Variants in EVA1A observed in about 807,000 individuals in gnomAD.
EVA1A encodes the protein eva-1 homolog A, regulator of programmed cell death.
A neutral mutation model predicts 9.8 loss-of-function variants in EVA1A; 7 were observed. That is an observed-to-expected ratio of 0.71 (90% CI 0.41 to 1.34). EVA1A has a LOEUF of 1.34. Ranked by LOEUF, EVA1A falls within the 40% of genes most tolerant of loss-of-function variation. EVA1A has a pLI of 0.01. For missense variants in EVA1A, 206 were observed against 205.9 expected (o/e 1.00, Z 0.00); for synonymous variants, 90 against 85.6 (o/e 1.05, Z -0.28).
intron 3 of EVA1A, among the ~76,000 whole-genome samples, chr2:75,510,683 A>T (rs1674779125): frequency 6.6e-6 from 1 of 152,256 alleles, no homozygotes; most frequent in African/African-American, 2.4e-5. Flanking sequence ...TACTATAAGC[A>T]AAGTCAAAAG....
At chr2:75,525,279 C>T (rs1020408899) in intron 1 of EVA1A, among the ~76,000 whole-genome samples, 14 of 152,182 alleles carry the variant, frequency 9.2e-5, no homozygotes, top group African/African-American at 3.1e-4. Context: ...ATTTCCCCCA[C>T]CTTTAAGCAA....
At chr2:75,498,131 C>G (rs1390009066) in intron 3 of EVA1A, among the ~76,000 whole-genome samples, 3 of 152,032 alleles carry the variant, frequency 2.0e-5, no homozygotes, top group Non-Finnish European at 4.4e-5. Flanking sequence ...ACATATGCAC[C>G]ATGGAATACT....
rs541909685 is a variant in EVA1A at position 75,551,745 on chromosome 2, G to T, written c.-192+8935C>A. On this transcript the variant is annotated intron_variant, in intron 1 of 3. Coordinates refer to ENST00000393913, the MANE Select transcript of EVA1A (RefSeq NM_001135032.2). ...ATAGTAGTCCTTCCTAACAATGGTT[G>T]TTGAGAGGATTAATACACGTAAAGT... is the stretch of plus-strand genomic sequence containing the variant. Among the ~76,000 whole-genome samples, 115 of 152,338 alleles carry T rather than the reference G, an allele frequency of 7.5e-4. 1 individual carries two copies. The highest frequency in any genetic ancestry group is 4.8e-3 in the South Asian group (23 of 4,824).
chr2:75,515,011 A>G (rs1674954234), intron 3 of EVA1A, among the ~76,000 whole-genome samples: 1 of 152,230 alleles, frequency 6.6e-6, no homozygotes, highest in Admixed American at 6.5e-5. Context: ...AATGTATAAA[A>G]TAAAAATGTT....
Position 75,518,197 on chromosome 2 carries a change from CCTT to C in EVA1A, c.-60_-58del, listed in dbSNP as rs926261338. ...TTGGCTGAATCAACGTGGCCACTCT[CCTT>C]CTTCTCTTCTGTTTGGGAACATAAA... On this transcript the variant is annotated 5_prime_UTR_variant, in exon 3 of 4. Coordinates refer to ENST00000393913, the MANE Select transcript of EVA1A (RefSeq NM_001135032.2). 102 of 1,597,978 alleles carry C rather than the reference CCTT, an allele frequency of 6.4e-5. No homozygotes were observed. The African/African-American group carries it at 1.3e-3, about 20-fold the overall frequency.
At chr2:75,556,676 T>G (rs902552927) in intron 1 of EVA1A, among the ~76,000 whole-genome samples, 1 of 152,160 alleles carries the variant, frequency 6.6e-6, no homozygotes, top group African/African-American at 2.4e-5. Flanking sequence ...CCAACCTTTT[T>G]GGTTCCAGGG....
chr2:75,552,239 T>C (rs138727946), intron 1 of EVA1A, among the ~76,000 whole-genome samples: 1 of 151,990 alleles, frequency 6.6e-6, no homozygotes, highest in Admixed American at 6.6e-5. Context: ...TTCTCGGGAA[T>C]GTCAAACCTA....
chr2:75,561,511 A>G (rs1041406584), upstream of EVA1A, among the ~76,000 whole-genome samples: 4 of 151,786 alleles, frequency 2.6e-5, no homozygotes, highest in African/African-American at 9.7e-5. Flanking sequence ...TTTGTTTGTT[A>G]AAATCAACAA....
chr2:75,511,494 C>T (rs544013390), intron 3 of EVA1A, among the ~76,000 whole-genome samples: 197 of 152,244 alleles, frequency 1.3e-3, no homozygotes, highest in African/African-American at 4.6e-3. Context: ...AAAATATCTC[C>T]ATAATATATT....
At chr2:75,518,336 A>G in intron 2 of EVA1A, 128 bp from the exon 3 acceptor site, 1 of 1,042,090 alleles carries the variant, frequency 9.6e-7, no homozygotes, top group Non-Finnish European at 1.3e-6. Flanking sequence ...GGGGCTTTGG[A>G]AACTACAGAC....
At chr2:75,542,065 T>C (rs1260106548) in intron 1 of EVA1A, 1 of 152,306 alleles carries the variant, frequency 6.6e-6, no homozygotes, top group Non-Finnish European at 1.5e-5. Flanking sequence ...TGATAGTGAA[T>C]GGGTCTCACG....
upstream of EVA1A, among the ~76,000 whole-genome samples, chr2:75,565,867 C>T (rs763404259): frequency 3.3e-5 from 5 of 152,194 alleles, no homozygotes; most frequent in South Asian, 4.2e-4. Context: ...TCATGCTTTG[C>T]CCTACAGTTA....
chr2:75,524,003 A>G (rs1675324790), intron 1 of EVA1A: 1 of 152,106 alleles, frequency 6.6e-6, no homozygotes, highest in African/African-American at 2.4e-5. Context: ...CTGTTCTCCT[A>G]ATAGTGGGTG....
At chr2:75,546,666 A>G (rs1676340138) in intron 1 of EVA1A, among the ~76,000 whole-genome samples, 1 of 152,156 alleles carries the variant, frequency 6.6e-6, no homozygotes, top group Non-Finnish European at 1.5e-5. Flanking sequence ...GGAAAGGGTC[A>G]TGTTAGGGGT....
chr2:75,516,299 T>C (rs1170596256), intron 3 of EVA1A, among the ~76,000 whole-genome samples: 2 of 152,224 alleles, frequency 1.3e-5, no homozygotes, highest in East Asian at 1.9e-4. Flanking sequence ...GTGTTCCCCA[T>C]TTCAGAATAG....
At chr2:75,532,159 CAAAAAAAAAAAAAAA>C (rs543115764) in intron 1 of EVA1A, among the ~76,000 whole-genome samples, 2 of 57,846 alleles carry the variant, frequency 3.5e-5, no homozygotes, top group African/African-American at 5.6e-5. Flanking sequence ...GACTCTGTCT[CAAAAAAAAAAAAAAA>C]AAAAAAAAAA....
chr2:75,551,141 C>CA (rs199733852), intron 1 of EVA1A, among the ~76,000 whole-genome samples: 1,764 of 151,450 alleles, frequency 0.012, 19 homozygotes, highest in South Asian at 0.024. Flanking sequence ...CAAAACAAAA[C>CA]AAAAAAAACC....
intron 1 of EVA1A, among the ~76,000 whole-genome samples, chr2:75,554,320 G>GC (rs753449356): frequency 6.6e-6 from 1 of 152,132 alleles, no homozygotes; most frequent in Non-Finnish European, 1.5e-5. Flanking sequence ...ACCATGGAGG[G>GC]CAAAGTGCAG....
At chr2:75,514,775 A>G (rs978233220) in intron 3 of EVA1A, among the ~76,000 whole-genome samples, 5 of 152,204 alleles carry the variant, frequency 3.3e-5, no homozygotes, top group African/African-American at 1.2e-4. Context: ...TCATCCTCAC[A>G]GTAAAATTTC....
Sources: allele counts gnomAD v4.1 joint callset (sites outside exome capture counted in the v4.1 genomes callset), GRCh38; gene constraint gnomAD v4.1.1; transcripts MANE v1.5; gene names NCBI Gene and HGNC (gene_info 2026-07-23, HGNC 2026-07-21).